PAK2: variants seen among roughly 807,000 people sequenced by gnomAD.
The protein encoded by PAK2 is p21 (RAC1) activated kinase 2, also known as serine/threonine-protein kinase PAK 2.
Under a neutral mutation model 65.9 loss-of-function variants are expected in PAK2, and 21 were observed. The ratio of observed to expected loss-of-function variants is 0.32; its 90% CI spans 0.23 to 0.46. The LOEUF (loss-of-function observed/expected upper bound fraction) is 0.46, where lower values mean the gene tolerates loss of function less well. PAK2 is among the 20% of genes least tolerant of loss of function. The pLI, the probability that PAK2 is intolerant of heterozygous loss-of-function variation, is 1.00. For synonymous variants in PAK2, 204 were observed against 219.7 expected, an observed-to-expected ratio of 0.93 and a Z score of 0.63; for missense variants, 324 against 642.6, an observed-to-expected ratio of 0.50 and a Z score of 5.36.
intron 2 of PAK2, among the ~76,000 whole-genome samples, chr3:196,784,207 TTTTAA>T (rs1714806482): frequency 6.9e-6 from 1 of 145,464 alleles, no homozygotes; most frequent in African/African-American, 2.5e-5. Flanking sequence ...TTGGTTTTGT[TTTTAA>T]TTTTTTTTTT....
At chr3:196,815,661 C>T (rs1715999343) in intron 11 of PAK2, among the ~76,000 whole-genome samples, 1 of 151,886 alleles carries the variant, frequency 6.6e-6, no homozygotes, top group Non-Finnish European at 1.5e-5. Context: ...GTGGTACGCG[C>T]CTGTAGTCTC....
chr3:196,829,983 A>C lies in PAK2; in HGVS notation c.*1578A>C, dbSNP rs1322067100. ...TTTGCTTTTGGAGTGGGTGTTGTTC[A>C]AGTATCTGTGGTTTGGTTCTGGCAT... On this transcript the variant is annotated 3_prime_UTR_variant, in exon 15 of 15. Transcript: ENST00000327134. 2 of 149,810 alleles carry C rather than the reference A, an allele frequency of 1.3e-5. No individual in the cohort carries two copies. Among genetic ancestry groups the C allele is most frequent in the Non-Finnish European group, 3.0e-5 (2 of 67,740 alleles). 9.3% of individuals were successfully genotyped at this position (149,810 alleles called of 1,614,324 possible).
intron 1 of PAK2, among the ~76,000 whole-genome samples, chr3:196,752,334 G>C (rs1487770205): frequency 6.6e-6 from 1 of 152,018 alleles, no homozygotes; most frequent in Non-Finnish European, 1.5e-5. Flanking sequence ...TATACATCCT[G>C]TTTTTAAAGT....
intron 13 of PAK2, among the ~76,000 whole-genome samples, chr3:196,826,773 T>A (rs1175148878): frequency 6.6e-6 from 1 of 151,798 alleles, no homozygotes; most frequent in Non-Finnish European, 1.5e-5. Context: ...ATACAAAGAT[T>A]AGCAGGTCAT....
chr3:196,812,087 A>T, intron 8 of PAK2, 132 bp from the exon 9 acceptor site: 13 of 528,778 alleles, frequency 2.5e-5, no homozygotes, highest in Non-Finnish European at 3.5e-5. Flanking sequence ...TTTTGCTTTT[A>T]CTCCTTTTAA....
At chr3:196,758,654 T>G (rs12108024) in intron 1 of PAK2, among the ~76,000 whole-genome samples, 7,253 of 151,990 alleles carry the variant, frequency 0.048, 249 homozygotes, top group African/African-American at 0.098. Context: ...TTTTATTTTA[T>G]TTTAGTTTAT....
At position 196,820,613 on chromosome 3, in the gene PAK2, ACT is replaced by A; in HGVS notation, c.1350+49_1350+50del. 8.9e-7 allele frequency: 1 copy of A among 1,125,466 alleles called. No homozygotes were observed. Among genetic ancestry groups the A allele is most frequent in the Non-Finnish European group, 1.3e-6 (1 of 795,178 alleles). 69.7% of individuals were successfully genotyped at this position (1,125,466 alleles called of 1,614,324 possible). A position where few individuals can be genotyped will look rare whatever the true frequency, so the allele number is the denominator to read the frequency against. On this transcript the variant is annotated intron_variant, in intron 13 of 14. Transcript: ENST00000327134. This position sits in a 1 kb window ranked among gnomAD's most constrained non-coding sequence, Gnocchi z 4.6. ...GCCTTGTTCAATGTTTTTCTTTGAA[ACT>A]CTTATTTAGAACTTGCACGTGCCTG...
intron 1 of PAK2, among the ~76,000 whole-genome samples, chr3:196,766,931 CGTGTGTGTGTGTGTGT>C (rs60929724): frequency 4.1e-4 from 55 of 134,406 alleles, no homozygotes; most frequent in Middle Eastern, 3.7e-3. Context: ...AAGTACACCC[CGTGTGTGTGTGTGTGT>C]GTGTGTGTGT....
intron 2 of PAK2, among the ~76,000 whole-genome samples, chr3:196,783,234 T>A (rs1714768043): frequency 6.6e-6 from 1 of 152,174 alleles, no homozygotes; most frequent in African/African-American, 2.4e-5. Context: ...TAGTAAATAC[T>A]GTCTTTTACC....
At chr3:196,802,862 A>G (rs1715462617) in intron 3 of PAK2, among the ~76,000 whole-genome samples, 155 bp from the exon 4 acceptor site, 1 of 152,202 alleles carries the variant, frequency 6.6e-6, no homozygotes, top group Non-Finnish European at 1.5e-5. Context: ...AGAAAAAAGA[A>G]AAAATAGACC....
chr3:196,808,557 C>CAA (rs1208200034), intron 7 of PAK2, among the ~76,000 whole-genome samples: 15 of 56,552 alleles, frequency 2.7e-4, no homozygotes, highest in African/African-American at 6.7e-4. Context: ...GACTCCATCT[C>CAA]AAAAAAAAAA....
intron 13 of PAK2, among the ~76,000 whole-genome samples, chr3:196,826,272 C>A (rs536311246): frequency 6.6e-6 from 1 of 151,324 alleles, no homozygotes; most frequent in African/African-American, 2.4e-5. Context: ...CCCGGGTTCA[C>A]GTCATTGTCC....
At chr3:196,752,058 A>C (rs1170682826) in intron 1 of PAK2, among the ~76,000 whole-genome samples, 1 of 152,072 alleles carries the variant, frequency 6.6e-6, no homozygotes, top group Non-Finnish European at 1.5e-5. Flanking sequence ...TGAATTTCAT[A>C]TTTAGATTTG....
Position 196,828,604 on chromosome 3 carries a change from G to C in PAK2, c.*199G>C. On this transcript the variant is annotated 3_prime_UTR_variant, in exon 15 of 15. Transcript: ENST00000327134. ...GACTTTTATATGAACCCCTTCTTTA[G>C]GGTCCAGAAGGAATTGTGGACTGAA... The C allele has an allele frequency of 1.9e-6, 1 of 535,662 alleles. No individual in the cohort carries two copies. The highest frequency in any genetic ancestry group is 3.3e-6 in the Non-Finnish European group (1 of 305,664). 33.2% of individuals were successfully genotyped at this position (535,662 alleles called of 1,614,324 possible).
intron 1 of PAK2, among the ~76,000 whole-genome samples, chr3:196,751,859 C>T (rs1396467091): frequency 3.4e-5 from 5 of 149,220 alleles, no homozygotes; most frequent in African/African-American, 5.0e-5. Context: ...TCTCCTGCCT[C>T]AGTCTCCTGA....
intron 1 of PAK2, 140 bp from the exon 2 acceptor site, chr3:196,782,486 A>AT (rs1714746151): frequency 5.4e-6 from 3 of 550,534 alleles, no homozygotes; most frequent in East Asian, 3.0e-5. Context: ...TTACACATTG[A>AT]TTTTTCCAGA....
At chr3:196,813,457 C>CA (rs566020366) in intron 10 of PAK2, among the ~76,000 whole-genome samples, 682 of 60,662 alleles carry the variant, frequency 0.011, 3 homozygotes, top group African/African-American at 0.031. Context: ...GACTCCATCT[C>CA]AAAAAAAAAA....
At chr3:196,743,576 G>A (rs946364059) in intron 1 of PAK2, among the ~76,000 whole-genome samples, 7 of 152,180 alleles carry the variant, frequency 4.6e-5, no homozygotes, top group Admixed American at 1.3e-4. Flanking sequence ...GGCCGGGTGC[G>A]GTGGCTCACA....
chr3:196,758,754 C>T lies in PAK2; in HGVS notation c.-22+18597C>T, dbSNP rs368001860. Among the ~76,000 whole-genome samples the T allele has an allele frequency of 1.7e-4, 26 of 152,256 alleles. No individual in the cohort carries two copies. The East Asian group carries it at 2.3e-3, about 14-fold the overall frequency. On this transcript the variant is annotated intron_variant, in intron 1 of 14. Coordinates refer to ENST00000327134, the MANE Select transcript of PAK2 (RefSeq NM_002577.4). ...TCACAGCAGCCTCCACTTCCTGGTTCGGGCGATTCTCATGCCTCAGCCTCC... is the reference window on the plus strand; with the variant it reads ...TCACAGCAGCCTCCACTTCCTGGTTTGGGCGATTCTCATGCCTCAGCCTCC...
Sources: allele counts gnomAD v4.1 joint callset (sites outside exome capture counted in the v4.1 genomes callset), GRCh38; gene constraint gnomAD v4.1.1; non-coding constraint Gnocchi (gnomAD v3.1); transcripts MANE v1.5; gene names NCBI Gene and HGNC (gene_info 2026-07-23, HGNC 2026-07-21).